Variants in TEX264 observed in about 807,000 individuals in gnomAD.
TEX264 encodes testis expressed 264, ER-phagy receptor, also known as testis-expressed protein 264.
Under a neutral mutation model 23.4 loss-of-function variants are expected in TEX264, and 13 were observed. The observed-to-expected ratio is 0.56, with a 90% CI of 0.36 to 0.88. The LOEUF is 0.88. Among genes scored for constraint, TEX264 ranks in the 40% least tolerant of loss-of-function variants. TEX264 has a pLI of 0.01. For synonymous variants in TEX264, 159 were observed against 170.0 expected, an observed-to-expected ratio of 0.94 and a Z score of 0.50; for missense variants, 340 against 406.8, an observed-to-expected ratio of 0.84 and a Z score of 1.41.
At position 51,703,927 on chromosome 3, in the gene TEX264, G is replaced by C; in HGVS notation, c.853G>C (p.Gly285Arg). The change falls in exon 5 of 5, where the codon GGG becomes CGG. Residue 285 changes from glycine (G) to arginine (R), a missense_variant. Gly to Arg is a moderately radical substitution (Grantham distance 125, BLOSUM62 -2). Transcript: ENST00000341333. This position sits in a 1 kb window ranked among gnomAD's most constrained non-coding sequence, Gnocchi z 4.8. ...ELDLEGEGPL[G>R]ESRLDPGTEP... Reference sequence around the variant, plus strand: ...GGACTTGGAGGGCGAGGGGCCCTTAGGGGAGTCACGGCTGGACCCTGGGAC... The same window carrying C: ...GGACTTGGAGGGCGAGGGGCCCTTACGGGAGTCACGGCTGGACCCTGGGAC... 6.2e-7 allele frequency: 1 copy of C among 1,606,062 alleles called. No individual in the cohort carries two copies. The highest frequency in any genetic ancestry group is 1.7e-5 in the Admixed American group (1 of 59,766).
At chr3:51,687,274 C>G (rs530975375) in intron 3 of TEX264, among the ~76,000 whole-genome samples, 1 of 152,342 alleles carries the variant, frequency 6.6e-6, no homozygotes, top group East Asian at 1.9e-4. Flanking sequence ...GTTGCCTCTG[C>G]CCCTGTGTTT....
chr3:51,688,827 G>A (rs1702720629), intron 3 of TEX264, among the ~76,000 whole-genome samples: 1 of 152,194 alleles, frequency 6.6e-6, no homozygotes, highest in African/African-American at 2.4e-5. Flanking sequence ...TGTCTTACCA[G>A]GGGCTTAAAG....
chr3:51,678,325 C>G (rs1325297738), intron 2 of TEX264, among the ~76,000 whole-genome samples: 1 of 152,182 alleles, frequency 6.6e-6, no homozygotes, highest in East Asian at 1.9e-4. Context: ...TGGACAGGCC[C>G]TAGTGGCTGG....
At chr3:51,692,112 C>T (rs1204417463) in intron 3 of TEX264, among the ~76,000 whole-genome samples, 2 of 152,226 alleles carry the variant, frequency 1.3e-5, no homozygotes, top group Non-Finnish European at 2.9e-5. Flanking sequence ...AAAATACCAG[C>T]TCGGATATTG....
chr3:51,688,929 C>T (rs900361930), intron 3 of TEX264, among the ~76,000 whole-genome samples: 5 of 151,918 alleles, frequency 3.3e-5, no homozygotes, highest in Non-Finnish European at 7.4e-5. Context: ...GAGTTCCAGA[C>T]CAGCCTGGGC....
At chr3:51,696,755 C>T (rs1315285954) in intron 3 of TEX264, among the ~76,000 whole-genome samples, 3 of 152,222 alleles carry the variant, frequency 2.0e-5, no homozygotes, top group African/African-American at 7.2e-5. Context: ...TTCTTCCTGT[C>T]CCTTCTCTGC....
rs1702838197 is a variant in TEX264, at chr3:51,691,786, A to C, written c.480+7152A>C. On this transcript the variant is annotated intron_variant, in intron 3 of 4. Coordinates refer to ENST00000341333, the MANE Select transcript of TEX264 (RefSeq NM_015926.6). This position sits in a 1 kb window ranked among gnomAD's most constrained non-coding sequence, Gnocchi z 4.4. ...CTTCAGTACCTAGGAGATGGGGAGG[A>C]AGAGCCAGAGGCCACAGTCAAATTC... 6.6e-6 allele frequency among the ~76,000 whole-genome samples: 1 copy of C among 152,222 alleles called. No individual in the cohort carries two copies. Among genetic ancestry groups the C allele is most frequent in the South Asian group, 2.1e-4 (1 of 4,832 alleles).
At position 51,681,070 on chromosome 3, in the gene TEX264, G is replaced by A. The variant is rs544171505; in HGVS notation, c.259-3343G>A. 9.8e-5 allele frequency among the ~76,000 whole-genome samples: 15 copies of A among 152,292 alleles called. No homozygotes were observed. The South Asian group carries it at 2.9e-3, about 29-fold the overall frequency. On this transcript the variant is annotated intron_variant, in intron 2 of 4. Transcript: ENST00000341333. ...GGTAGGCTTGCTGAGAGACCTTCTA[G>A]GCTCCTCCTTAGGCCAGGGCAGGGG...
rs1702625102 is a variant in TEX264 at position 51,686,508 on chromosome 3, G to C, written c.480+1874G>C. Among the ~76,000 whole-genome samples, 1 of 152,204 alleles carries C rather than the reference G, an allele frequency of 6.6e-6. No individual in the cohort carries two copies. The highest frequency in any genetic ancestry group is 2.1e-4 in the South Asian group (1 of 4,830). On this transcript the variant is annotated intron_variant, in intron 3 of 4. Coordinates refer to ENST00000341333, the MANE Select transcript of TEX264 (RefSeq NM_015926.6). This position sits in a 1 kb window ranked among gnomAD's most constrained non-coding sequence, Gnocchi z 4.1. ...GCTGTGTCCTTGGCGGTCAAAGACA[G>C]GTTTGAAGAATCAGGAGTGAGAAGA...
Position 51,684,655 on chromosome 3 carries a change from G to A in TEX264, c.480+21G>A, listed in dbSNP as rs200825795. The A allele has an allele frequency of 3.2e-5, 52 of 1,611,774 alleles. No homozygotes were observed. The African/African-American group carries it at 5.2e-4, about 16-fold the overall frequency. Reference sequence around the variant, plus strand: ...TCAAGGTGAGGCACAGGCCTGGGGTGTGTGTGTTGGGGACAGCCAGGCCCC... The same window carrying A: ...TCAAGGTGAGGCACAGGCCTGGGGTATGTGTGTTGGGGACAGCCAGGCCCC... On this transcript the variant is annotated intron_variant, in intron 3 of 4. Transcript: ENST00000341333.
At chr3:51,680,462 A>G (rs1053802631) in intron 2 of TEX264, among the ~76,000 whole-genome samples, 2 of 152,186 alleles carry the variant, frequency 1.3e-5, no homozygotes, top group Non-Finnish European at 2.9e-5. Context: ...CTCAGGTTCT[A>G]AGCAGACTGC....
Position 51,704,176 on chromosome 3 carries a change from C to A in TEX264, c.*160C>A. 1 of 601,718 alleles carries A rather than the reference C, an allele frequency of 1.7e-6. No homozygotes were observed. The highest frequency in any genetic ancestry group is 2.5e-6 in the Non-Finnish European group (1 of 407,420). The allele number at this position is 601,718 out of a possible 1,614,324, so 37.3% of individuals were successfully genotyped here. On this transcript the variant is annotated 3_prime_UTR_variant, in exon 5 of 5. Transcript: ENST00000341333. ...CTCTTGCTAAGCCTTCTCCTCACTG[C>A]CCTTTAGGCTCCCAGGGCCAGAGGA...
Position 51,704,177 on chromosome 3 carries a change from C to A in TEX264, c.*161C>A. 1.7e-6 allele frequency: 1 copy of A among 588,190 alleles called. No individual in the cohort carries two copies. The highest frequency in any genetic ancestry group is 2.5e-6 in the Non-Finnish European group (1 of 395,324). The allele number at this position is 588,190 out of a possible 1,614,324, so 36.4% of individuals were successfully genotyped here. The stretch of plus-strand genomic sequence containing the variant: ...TCTTGCTAAGCCTTCTCCTCACTGC[C>A]CTTTAGGCTCCCAGGGCCAGAGGAG... On this transcript the variant is annotated 3_prime_UTR_variant, in exon 5 of 5. Transcript: ENST00000341333.
chr3:51,673,444 T>C (rs1702122391), intron 1 of TEX264, among the ~76,000 whole-genome samples: 1 of 152,242 alleles, frequency 6.6e-6, no homozygotes, highest in Admixed American at 6.5e-5. Flanking sequence ...CTTCTTTTCC[T>C]CTTAGGGATA....
chr3:51,693,215 C>T (rs1426852148), intron 3 of TEX264, among the ~76,000 whole-genome samples: 1 of 152,202 alleles, frequency 6.6e-6, no homozygotes, highest in Non-Finnish European at 1.5e-5. Context: ...GGTGAGCTGC[C>T]GGCTCTGAGG....
intron 2 of TEX264, chr3:51,682,100 C>T (rs200238637): frequency 6.6e-6 from 1 of 152,210 alleles, no homozygotes; most frequent in East Asian, 1.9e-4. Context: ...TCCGTTTCTC[C>T]ATATGACTTA....
At chr3:51,694,081 G>T (rs59629644) in intron 3 of TEX264, among the ~76,000 whole-genome samples, 1,019 of 56,142 alleles carry the variant, frequency 0.018, 11 homozygotes, top group Middle Eastern at 0.047. Flanking sequence ...CCTTCCTTCC[G>T]TCCGTCCTTC....
At chr3:51,677,111 G>C (rs72953421) in intron 2 of TEX264, among the ~76,000 whole-genome samples, 5 of 152,214 alleles carry the variant, frequency 3.3e-5, no homozygotes. Context: ...TGGTCCGGAA[G>C]GACCTGAGGC....
intron 2 of TEX264, among the ~76,000 whole-genome samples, chr3:51,676,254 C>T (rs1559670304): frequency 6.6e-6 from 1 of 152,216 alleles, no homozygotes; most frequent in Non-Finnish European, 1.5e-5. Context: ...GCTGTCTTCT[C>T]ATTGGCGTGT....
Sources: allele counts gnomAD v4.1 joint callset (sites outside exome capture counted in the v4.1 genomes callset), GRCh38; gene constraint gnomAD v4.1.1; non-coding constraint Gnocchi (gnomAD v3.1); transcripts MANE v1.5; gene names NCBI Gene and HGNC (gene_info 2026-07-23, HGNC 2026-07-21).